BTBD9: variants seen among roughly 807,000 people sequenced by gnomAD.
BTBD9 encodes the protein BTB/POZ domain-containing protein 9.
Under a neutral mutation model 64.3 loss-of-function variants are expected in BTBD9, and 49 were observed. The observed-to-expected ratio is 0.76, with a 90% CI of 0.61 to 0.97. The LOEUF is 0.97. Among genes scored for constraint, BTBD9 ranks in the 50% least tolerant of loss-of-function variants. The probability of loss-of-function intolerance (pLI) is 0.00; values close to 1 mark genes in which losing one functional copy is unlikely to be tolerated. For synonymous variants in BTBD9, 260 were observed against 274.7 expected, an observed-to-expected ratio of 0.95 and a Z score of 0.53; for missense variants, 598 against 762.1, an observed-to-expected ratio of 0.78 and a Z score of 2.53.
chr6:38,485,491 G>T (rs2127385377), intron 6 of BTBD9, among the ~76,000 whole-genome samples: 1 of 152,342 alleles, frequency 6.6e-6, no homozygotes, highest in Non-Finnish European at 1.5e-5. Flanking sequence ...AATGGATGTT[G>T]TGTTAACAGG....
At chr6:38,361,700 C>T (rs991625765) in intron 6 of BTBD9, among the ~76,000 whole-genome samples, 25 of 152,020 alleles carry the variant, frequency 1.6e-4, no homozygotes, top group East Asian at 5.8e-4. Flanking sequence ...ATTAGGCAGG[C>T]GTGGTGGTGC....
intron 7 of BTBD9, among the ~76,000 whole-genome samples, chr6:38,320,025 G>A (rs77302144): frequency 0.031 from 4,689 of 152,202 alleles, 126 homozygotes; most frequent in East Asian, 0.088. Flanking sequence ...TCCCTCCACG[G>A]GCATTGGCTG....
intron 6 of BTBD9, among the ~76,000 whole-genome samples, chr6:38,439,645 T>C (rs1347071292): frequency 6.6e-6 from 1 of 152,140 alleles, no homozygotes; most frequent in Non-Finnish European, 1.5e-5. Flanking sequence ...CAGGCTGGTT[T>C]CAAACTCCTG....
chr6:38,398,179 C>G (rs894823788), intron 6 of BTBD9, among the ~76,000 whole-genome samples: 1 of 152,214 alleles, frequency 6.6e-6, no homozygotes, highest in African/African-American at 2.4e-5. Flanking sequence ...GCCCCACCTA[C>G]TTGGTTCTGA....
At chr6:38,462,826 T>C (rs985447012) in intron 6 of BTBD9, among the ~76,000 whole-genome samples, 16 of 152,174 alleles carry the variant, frequency 1.1e-4, no homozygotes, top group Non-Finnish European at 1.6e-4. Context: ...TGAGACAGGG[T>C]CTCACTCTGT....
At chr6:38,589,873 T>C (rs1183502865) in intron 4 of BTBD9, among the ~76,000 whole-genome samples, 1 of 152,190 alleles carries the variant, frequency 6.6e-6, no homozygotes, top group Non-Finnish European at 1.5e-5. Context: ...CTCTATTCTA[T>C]CCCAAATGTC....
Position 38,429,230 on chromosome 6 carries a change from G to A in BTBD9, c.1155-84137C>T, listed in dbSNP as rs370612358. Reference sequence around the variant, plus strand: ...AGCACTTTGGGAGGCTGAGGCAGACGGATCACTTGAGGTCAGGAGTTCAAG... The same window carrying A: ...AGCACTTTGGGAGGCTGAGGCAGACAGATCACTTGAGGTCAGGAGTTCAAG... On this transcript the variant is annotated intron_variant, in intron 6 of 10. Transcript: ENST00000481247. Among the ~76,000 whole-genome samples the A allele has an allele frequency of 4.0e-5, 6 of 151,274 alleles. No individual in the cohort carries two copies. In the East Asian group the frequency reaches 7.9e-4, roughly 20 times the overall value.
At chr6:38,406,595 T>C (rs1767174957) in intron 6 of BTBD9, among the ~76,000 whole-genome samples, 1 of 152,194 alleles carries the variant, frequency 6.6e-6, no homozygotes, top group Non-Finnish European at 1.5e-5. Context: ...AAAACAATGT[T>C]AGAAGATTAA....
chr6:38,186,287 T>C (rs1267386795), intron 10 of BTBD9, among the ~76,000 whole-genome samples: 1 of 152,164 alleles, frequency 6.6e-6, no homozygotes, highest in Non-Finnish European at 1.5e-5. Flanking sequence ...TATAAAGGGC[T>C]GGAAGATAAC....
intron 7 of BTBD9, among the ~76,000 whole-genome samples, chr6:38,305,435 G>A (rs1198945162): frequency 6.6e-6 from 1 of 152,134 alleles, no homozygotes; most frequent in Non-Finnish European, 1.5e-5. Context: ...GAAGAAGAAT[G>A]CAGATAACAA....
chr6:38,353,845 A>G (rs200810013), intron 6 of BTBD9, among the ~76,000 whole-genome samples: 5 of 152,348 alleles, frequency 3.3e-5, no homozygotes, highest in Middle Eastern at 3.4e-3. Context: ...CTATGAATCT[A>G]TAAGAACTCA....
At chr6:38,606,749 A>G (rs1224514923) in intron 1 of BTBD9, among the ~76,000 whole-genome samples, 1 of 152,228 alleles carries the variant, frequency 6.6e-6, no homozygotes, top group African/African-American at 2.4e-5. Context: ...CAGTCCTAGC[A>G]TTTTTATATA....
chr6:38,425,305 T>G (rs1294574330), intron 6 of BTBD9, among the ~76,000 whole-genome samples: 1 of 150,976 alleles, frequency 6.6e-6, no homozygotes, highest in African/African-American at 2.5e-5. Context: ...AGGGTTTCAC[T>G]ATTTTGGCCA....
At chr6:38,180,275 G>A (rs1761490703) in intron 10 of BTBD9, among the ~76,000 whole-genome samples, 1 of 152,186 alleles carries the variant, frequency 6.6e-6, no homozygotes, top group Non-Finnish European at 1.5e-5. Flanking sequence ...TGGGGAAACT[G>A]GCACCTTCAC....
rs568243531 is a variant in BTBD9, at chr6:38,612,326, G to A, written c.-27-14205C>T. ...ATATTCAAGCCAACAACTGGTAAAGGCCTATTCTGAGCCAAGCCCAGCCTA... is the reference window on the plus strand; with the variant it reads ...ATATTCAAGCCAACAACTGGTAAAGACCTATTCTGAGCCAAGCCCAGCCTA... On this transcript the variant is annotated intron_variant, in intron 1 of 10. Transcript: ENST00000481247. 7.2e-5 allele frequency among the ~76,000 whole-genome samples: 11 copies of A among 152,248 alleles called. No individual in the cohort carries two copies. The South Asian group carries it at 2.3e-3, about 32-fold the overall frequency.
chr6:38,270,504 T>A (rs536618225), intron 8 of BTBD9, among the ~76,000 whole-genome samples: 1 of 152,176 alleles, frequency 6.6e-6, no homozygotes, highest in Non-Finnish European at 1.5e-5. Context: ...AGAGCCAGCA[T>A]TGATATTCCT....
At chr6:38,583,804 C>A (rs1189030055) in intron 4 of BTBD9, among the ~76,000 whole-genome samples, 3 of 152,168 alleles carry the variant, frequency 2.0e-5, no homozygotes, top group African/African-American at 7.2e-5. Context: ...CACTTCAAAA[C>A]AGAGAACATC....
rs1186475257 is a variant in BTBD9 at position 38,451,735 on chromosome 6, T to G, written c.1155-106642A>C. 2.0e-5 allele frequency among the ~76,000 whole-genome samples: 3 copies of G among 152,250 alleles called. No individual in the cohort carries two copies. The South Asian group carries it at 6.2e-4, about 32-fold the overall frequency. ...ATAATTTCTGTTCCATCCACCTCTC[T>G]TTTTCATTCCCATCTGACACTGACT... On this transcript the variant is annotated intron_variant, in intron 6 of 10. Coordinates refer to ENST00000481247, the MANE Select transcript of BTBD9 (RefSeq NM_001099272.2).
At chr6:38,274,589 A>G (rs1330084940) in intron 8 of BTBD9, among the ~76,000 whole-genome samples, 2 of 152,218 alleles carry the variant, frequency 1.3e-5, no homozygotes, top group Admixed American at 6.5e-5. Context: ...TTTAGCATGA[A>G]GGATTGTTGA....
Sources: allele counts gnomAD v4.1 joint callset (sites outside exome capture counted in the v4.1 genomes callset), GRCh38; gene constraint gnomAD v4.1.1; transcripts MANE v1.5; gene names NCBI Gene and HGNC (gene_info 2026-07-23, HGNC 2026-07-21).